The following DSCAM variants were observed in gnomAD, a reference collection of about 807,000 sequenced individuals.
The protein encoded by DSCAM is DS cell adhesion molecule.
DSCAM carries 47 observed loss-of-function variants against 217.7 expected under a neutral mutation model. The observed-to-expected ratio is 0.22, with a 90% confidence interval of 0.17 to 0.28. The LOEUF is 0.28. DSCAM is among the 10% of genes least tolerant of loss of function. The pLI, the probability that DSCAM is intolerant of heterozygous loss-of-function variation, is 1.00. For missense variants in DSCAM, 2,080 were observed against 2,618.3 expected (o/e 0.79, Z 4.49); for synonymous variants, 1,056 against 1,015.3 (o/e 1.04, Z -0.76).
intron 3 of DSCAM, among the ~76,000 whole-genome samples, chr21:40,388,322 A>C (rs925779348): frequency 6.6e-6 from 1 of 152,206 alleles, no homozygotes; most frequent in African/African-American, 2.4e-5. Context: ...ATTGATATAA[A>C]AAGTTAGATG....
rs150268783 is a variant in DSCAM, at chr21:40,623,746, C to A, written c.508+69064G>T. On this transcript the variant is annotated intron_variant, in intron 3 of 32. Transcript: ENST00000400454. ...TTGATTTTTCCATCTTCCTCACTGT[C>A]CTTCCCCAGAATAGACTTTCATATG... 3.3e-4 allele frequency among the ~76,000 whole-genome samples: 50 copies of A among 152,322 alleles called. No individual in the cohort carries two copies. In the South Asian group the frequency reaches 0.01, roughly 32 times the overall value.
chr21:40,355,831 C>T (rs558523830), intron 4 of DSCAM, among the ~76,000 whole-genome samples: 1 of 152,284 alleles, frequency 6.6e-6, no homozygotes, highest in Admixed American at 6.5e-5. Flanking sequence ...CATCTCTATT[C>T]CCTGCTTCTC....
intron 3 of DSCAM, among the ~76,000 whole-genome samples, chr21:40,411,454 C>A (rs1441671966): frequency 6.6e-6 from 1 of 152,142 alleles, no homozygotes; most frequent in African/African-American, 2.4e-5. Context: ...AATTTTGATA[C>A]TGCAAGTATT....
At chr21:40,131,044 T>C (rs572192982) in intron 19 of DSCAM, among the ~76,000 whole-genome samples, 14 of 152,334 alleles carry the variant, frequency 9.2e-5, no homozygotes, top group African/African-American at 2.9e-4. Context: ...TAGTATCTTA[T>C]TGAGAAAGAA....
Position 40,012,772 on chromosome 21 carries a change from A to G in DSCAM, c.*262T>C, listed in dbSNP as rs2088080490. ...ATGCACTTTTGTAGAAAATCAGTAA[A>G]AATGCAATAGCCTGTGAAGATCATA... On this transcript the variant is annotated 3_prime_UTR_variant, in exon 33 of 33. Transcript: ENST00000400454. The G allele has an allele frequency of 3.9e-6, 1 of 259,104 alleles. No individual in the cohort carries two copies. The highest frequency in any genetic ancestry group is 7.0e-5 in the East Asian group (1 of 14,222). The allele number at this position is 259,104 out of a possible 1,614,324, so 16.1% of individuals were successfully genotyped here.
intron 10 of DSCAM, among the ~76,000 whole-genome samples, chr21:40,277,297 C>T (rs569958580): frequency 2.0e-5 from 3 of 152,126 alleles, no homozygotes; most frequent in Non-Finnish European, 4.4e-5. Flanking sequence ...ACAAGTCAGA[C>T]GTCTCCACAG....
Position 40,647,599 on chromosome 21 carries a change from T to C in DSCAM, c.508+45211A>G, listed in dbSNP as rs376494258. ...AATTTCTAGTGATAGGACAAAAATT[T>C]AATAGTGCTAGCACAGTTATAAGAC... is the stretch of plus-strand genomic sequence containing the variant. On this transcript the variant is annotated intron_variant, in intron 3 of 32. Transcript: ENST00000400454. Among the ~76,000 whole-genome samples, 149 of 152,336 alleles carry C rather than the reference T, an allele frequency of 9.8e-4. 1 individual carries two copies. The highest frequency in any genetic ancestry group is 3.3e-3 in the African/African-American group (138 of 41,576).
chr21:40,352,336 A>G (rs2074640094), intron 5 of DSCAM, among the ~76,000 whole-genome samples: 1 of 152,184 alleles, frequency 6.6e-6, no homozygotes, highest in Non-Finnish European at 1.5e-5. Context: ...ATGCTGCATT[A>G]TTTTATCCAC....
chr21:40,539,243 G>A (rs528624403), intron 3 of DSCAM, among the ~76,000 whole-genome samples: 4 of 152,220 alleles, frequency 2.6e-5, no homozygotes, highest in Admixed American at 1.3e-4. Context: ...GGTGGCTCAC[G>A]CTGGTAATCC....
chr21:40,836,431 T>C (rs950157231), intron 1 of DSCAM, among the ~76,000 whole-genome samples: 8 of 152,210 alleles, frequency 5.3e-5, no homozygotes, highest in Admixed American at 3.9e-4. Flanking sequence ...GGAGTGCCTC[T>C]GGCAGGATCT....
chr21:40,721,091 G>C (rs1231852851), intron 1 of DSCAM, among the ~76,000 whole-genome samples: 2 of 152,178 alleles, frequency 1.3e-5, no homozygotes, highest in Non-Finnish European at 2.9e-5. Flanking sequence ...ATCAGATTGA[G>C]TATTCAGAAA....
intron 3 of DSCAM, among the ~76,000 whole-genome samples, chr21:40,394,631 A>C (rs1263591581): frequency 6.6e-6 from 1 of 152,238 alleles, no homozygotes; most frequent in African/African-American, 2.4e-5. Flanking sequence ...GAGCCACACA[A>C]ACCCTGCACA....
intron 20 of DSCAM, among the ~76,000 whole-genome samples, chr21:40,094,886 G>T (rs1468208837): frequency 6.6e-6 from 1 of 152,160 alleles, no homozygotes; most frequent in African/African-American, 2.4e-5. Flanking sequence ...AGTTCACAAA[G>T]TTTAACACCT....
intron 10 of DSCAM, among the ~76,000 whole-genome samples, chr21:40,280,074 C>G (rs57911854): frequency 0.03 from 4,554 of 151,786 alleles, 289 homozygotes; most frequent in East Asian, 0.22. Flanking sequence ...CACATTTATA[C>G]CTATGTAACA....
At chr21:40,351,732 A>T (rs1303833745) in intron 5 of DSCAM, among the ~76,000 whole-genome samples, 5 of 152,234 alleles carry the variant, frequency 3.3e-5, no homozygotes, top group African/African-American at 9.6e-5. Context: ...GAAGGGAACA[A>T]TGATAAAAAT....
At chr21:40,537,477 G>T (rs947493803) in intron 3 of DSCAM, among the ~76,000 whole-genome samples, 13 of 152,064 alleles carry the variant, frequency 8.5e-5, no homozygotes, top group African/African-American at 3.1e-4. Context: ...CCTTTTATAG[G>T]AATTATATTC....
chr21:40,093,699 G>T, intron 21 of DSCAM, 22 bp downstream of exon 21: 2 of 1,613,346 alleles, frequency 1.2e-6, no homozygotes, highest in East Asian at 4.5e-5. Flanking sequence ...CAGGAAATGA[G>T]GTCCTTATAG....
intron 3 of DSCAM, among the ~76,000 whole-genome samples, chr21:40,615,748 T>C (rs1359944519): frequency 1.3e-5 from 2 of 152,144 alleles, no homozygotes; most frequent in African/African-American, 2.4e-5. Flanking sequence ...CTAAAGTCTT[T>C]CCTGGGCAGA....
At chr21:40,636,183 T>C (rs879885104) in intron 3 of DSCAM, among the ~76,000 whole-genome samples, 2 of 152,142 alleles carry the variant, frequency 1.3e-5, no homozygotes, top group African/African-American at 2.4e-5. Context: ...CTATCTCTGC[T>C]GCCCAGCTGG....
Sources: allele counts gnomAD v4.1 joint callset (sites outside exome capture counted in the v4.1 genomes callset), GRCh38; gene constraint gnomAD v4.1.1; transcripts MANE v1.5; gene names NCBI Gene and HGNC (gene_info 2026-07-23, HGNC 2026-07-21).